The following CDC14B variants were observed in gnomAD, a reference collection of about 807,000 sequenced individuals.
The protein encoded by CDC14B is cell division cycle 14B, also known as dual specificity protein phosphatase CDC14B.
A neutral mutation model predicts 64.2 loss-of-function variants in CDC14B; 22 were observed. That is an observed-to-expected ratio of 0.34 (90% confidence interval 0.24 to 0.49). CDC14B has a LOEUF of 0.49. CDC14B is among the 20% of genes least tolerant of loss of function. CDC14B has a pLI of 0.99. For missense variants in CDC14B, 498 were observed against 629.9 expected (o/e 0.79, Z 2.24); for synonymous variants, 191 against 215.8 (o/e 0.89, Z 1.01).
intron 13 of CDC14B, 149 bp from the exon 14 acceptor site, chr9:96,503,938 G>T: frequency 1.6e-6 from 1 of 627,244 alleles, no homozygotes; most frequent in Non-Finnish European, 2.8e-6. Flanking sequence ...ATACTTTGGA[G>T]AAGACAACAC....
chr9:96,547,335 G>A (rs143011958), intron 5 of CDC14B, among the ~76,000 whole-genome samples: 9,321 of 149,436 alleles, frequency 0.062, 905 homozygotes, highest in African/African-American at 0.21. Flanking sequence ...GTGTGGTGGC[G>A]GGCACCTGTA....
Position 96,543,181 on chromosome 9 carries a change from GA to G in CDC14B, c.498-1290del, listed in dbSNP as rs1303232068. Among the ~76,000 whole-genome samples, 6 of 151,612 alleles carry G rather than the reference GA, an allele frequency of 4.0e-5. No individual in the cohort carries two copies. In the East Asian group the frequency reaches 1.2e-3, roughly 30 times the overall value. On this transcript the variant is annotated intron_variant, in intron 5 of 13. Transcript: ENST00000375241. ...GAAACCCTGTCTCTACTAAAAATAC[GA>G]AAAATGAGCCGGGCGTGGTGGGGGG... is the stretch of plus-strand genomic sequence containing the variant.
chr9:96,566,467 A>T (rs1288130497), intron 1 of CDC14B, among the ~76,000 whole-genome samples: 1 of 152,086 alleles, frequency 6.6e-6, no homozygotes, highest in Admixed American at 6.5e-5. Flanking sequence ...CAAATGGGTG[A>T]CAGGGCTTAA....
At chr9:96,591,870 C>T (rs1412114998) in intron 1 of CDC14B, among the ~76,000 whole-genome samples, 5 of 151,770 alleles carry the variant, frequency 3.3e-5, no homozygotes, top group African/African-American at 9.7e-5. Flanking sequence ...CTCAGCCTTC[C>T]GAGTAGCTGG....
intron 1 of CDC14B, among the ~76,000 whole-genome samples, chr9:96,616,733 A>G (rs1350611582): frequency 2.0e-5 from 3 of 152,140 alleles, no homozygotes; most frequent in Non-Finnish European, 4.4e-5. Context: ...CAAAAAAAAA[A>G]AAAAACTCAT....
chr9:96,533,213 C>A (rs1838760609), intron 9 of CDC14B, among the ~76,000 whole-genome samples: 1 of 152,242 alleles, frequency 6.6e-6, no homozygotes, highest in African/African-American at 2.4e-5. Context: ...AGGCGATCCG[C>A]CCGCCATGGC....
chr9:96,554,322 A>C (rs755166735), intron 4 of CDC14B, among the ~76,000 whole-genome samples: 8 of 152,232 alleles, frequency 5.3e-5, no homozygotes, highest in Non-Finnish European at 1.2e-4. Flanking sequence ...CTAAATTTCT[A>C]AGGCCTTCTC....
chr9:96,539,245 G>T, intron 6 of CDC14B, 105 bp from the exon 7 acceptor site: 1 of 751,316 alleles, frequency 1.3e-6, no homozygotes, highest in Non-Finnish European at 2.3e-6. Context: ...AGAAAGTATT[G>T]TCATGATCAG....
At chr9:96,546,741 C>T (rs1840926579) in intron 5 of CDC14B, among the ~76,000 whole-genome samples, 3 of 151,716 alleles carry the variant, frequency 2.0e-5, no homozygotes, top group African/African-American at 7.2e-5. Flanking sequence ...TGAGCCACCG[C>T]GCCCGGCCAC....
Position 96,502,619 on chromosome 9 carries a change from C to A in CDC14B, c.*1134G>T. 3 of 322,550 alleles carry A rather than the reference C, an allele frequency of 9.3e-6. No homozygotes were observed. Among genetic ancestry groups the A allele is most frequent in the African/African-American group, 2.2e-5 (1 of 44,636 alleles). The allele number at this position is 322,550 out of a possible 1,614,324, so 20.0% of individuals were successfully genotyped here. On this transcript the variant is annotated 3_prime_UTR_variant, in exon 14 of 14. Coordinates refer to ENST00000375241, the MANE Select transcript of CDC14B (RefSeq NM_033331.4). ...ATTTTTTTTTTTTTTTTTAGCAGCA[C>A]ATCAATTCTGTTTCTGTAACTGCTT...
intron 13 of CDC14B, 54 bp downstream of exon 13, chr9:96,509,619 A>C: frequency 9.2e-7 from 1 of 1,085,356 alleles, no homozygotes; most frequent in Non-Finnish European, 1.4e-6. Context: ...TCCAAATATT[A>C]AACTGGAAAA....
At chr9:96,537,268 G>C (rs1839404660) in intron 7 of CDC14B, among the ~76,000 whole-genome samples, 1 of 152,096 alleles carries the variant, frequency 6.6e-6, no homozygotes, top group Admixed American at 6.6e-5. Flanking sequence ...AGCCTGGGCA[G>C]CAGAGTGAGA....
rs535152299 is a variant in CDC14B at position 96,530,686 on chromosome 9, G to C, written c.946+3241C>G. Among the ~76,000 whole-genome samples the C allele has an allele frequency of 4.7e-4, 70 of 148,968 alleles. 1 individual carries two copies. Among genetic ancestry groups the C allele is most frequent in the Admixed American group, 4.6e-3 (69 of 15,008 alleles). On this transcript the variant is annotated intron_variant, in intron 9 of 13. Transcript: ENST00000375241. Reference sequence around the variant, plus strand: ...TTTTTTTGCTTACTTCCTTTGGCTAGAACTTCCATTACCATGTTAAATAGA... The same window carrying C: ...TTTTTTTGCTTACTTCCTTTGGCTACAACTTCCATTACCATGTTAAATAGA...
At chr9:96,570,052 T>G (rs774554280) in intron 1 of CDC14B, among the ~76,000 whole-genome samples, 1 of 152,178 alleles carries the variant, frequency 6.6e-6, no homozygotes, top group South Asian at 2.1e-4. Flanking sequence ...CACTACTTCT[T>G]CTTTGAGTAA....
chr9:96,506,105 G>A lies in CDC14B; in HGVS notation c.1461-2316C>T, dbSNP rs564816975. ...ATGGAAGGTCAAGTTCCCATGTGCC[G>A]CAGAGATGATGACAAACCAGTAGGA... On this transcript the variant is annotated intron_variant, in intron 13 of 13. Coordinates refer to ENST00000375241, the MANE Select transcript of CDC14B (RefSeq NM_033331.4). Among the ~76,000 whole-genome samples, 15 of 152,294 alleles carry A rather than the reference G, an allele frequency of 9.8e-5. No individual in the cohort carries two copies. In the East Asian group the frequency reaches 2.3e-3, roughly 23 times the overall value.
chr9:96,543,201 TG>T (rs1423485604), intron 5 of CDC14B, among the ~76,000 whole-genome samples: 1 of 151,714 alleles, frequency 6.6e-6, no homozygotes, highest in Non-Finnish European at 1.5e-5. Flanking sequence ...CCGGGCGTGG[TG>T]GGGGGCACCT....
At chr9:96,614,026 A>AT (rs1847476983) in intron 1 of CDC14B, among the ~76,000 whole-genome samples, 1 of 152,140 alleles carries the variant, frequency 6.6e-6, no homozygotes, top group South Asian at 2.1e-4. Flanking sequence ...ATCACCATTA[A>AT]TTAGTGCTTT....
At chr9:96,509,631 AAACGCTTGC>A in intron 13 of CDC14B, 33 bp downstream of exon 13, 1 of 1,243,668 alleles carries the variant, frequency 8.0e-7, no homozygotes, top group South Asian at 1.2e-5. Context: ...ACTGGAAAAC[AAACGCTTGC>A]AACTTTTCAG....
At chr9:96,574,237 G>T (rs1178936673) in intron 1 of CDC14B, among the ~76,000 whole-genome samples, 2 of 151,818 alleles carry the variant, frequency 1.3e-5, no homozygotes, top group South Asian at 2.1e-4. Context: ...GTGTACTATT[G>T]GCACAGATAT....
Sources: allele counts gnomAD v4.1 joint callset (sites outside exome capture counted in the v4.1 genomes callset), GRCh38; gene constraint gnomAD v4.1.1; transcripts MANE v1.5; gene names NCBI Gene and HGNC (gene_info 2026-07-23, HGNC 2026-07-21).